The following LIG3 variants were observed in gnomAD, a reference collection of about 807,000 sequenced individuals.
LIG3 encodes the protein ligase II, DNA, ATP-dependent.
LIG3 carries 58 observed loss-of-function variants against 110.9 expected under a neutral mutation model. That is an observed-to-expected ratio of 0.52 (90% confidence interval 0.42 to 0.65). The LOEUF (loss-of-function observed/expected upper bound fraction) is 0.65, where lower values mean the gene tolerates loss of function less well. LIG3 is among the 30% of genes least tolerant of loss of function. LIG3 has a pLI of 0.00. For missense variants in LIG3, 1,094 were observed against 1,273.8 expected (o/e 0.86, Z 2.15); for synonymous variants, 422 against 472.8 (o/e 0.89, Z 1.39).
At chr17:34,982,474 G>T (rs1469542624) in intron 1 of LIG3, among the ~76,000 whole-genome samples, 1 of 151,850 alleles carries the variant, frequency 6.6e-6, no homozygotes, top group Non-Finnish European at 1.5e-5. Context: ...AAGAAACCCC[G>T]TCTCCATTAA....
At chr17:34,999,490 C>T (rs781761045) in intron 15 of LIG3, 41 bp downstream of exon 15, 24 of 1,596,420 alleles carry the variant, frequency 1.5e-5, no homozygotes, top group Admixed American at 8.5e-5. Context: ...CTGGACTGGC[C>T]GCCATCACTG....
intron 17 of LIG3, 113 bp downstream of exon 17, chr17:35,001,516 G>A: frequency 1.7e-6 from 2 of 1,160,136 alleles, no homozygotes; most frequent in South Asian, 2.9e-5. Context: ...CCATTCTCCT[G>A]AGGCAGAGCA....
rs191820830 is a variant in LIG3, at chr17:34,997,944, T to C, written c.1911+119T>C. The C allele has an allele frequency of 2.5e-3, 2,004 of 797,774 alleles. 7 individuals carry two copies. Among genetic ancestry groups the C allele is most frequent in the Non-Finnish European group, 3.5e-3 (1,649 of 470,860 alleles). 49.4% of individuals were successfully genotyped at this position (797,774 alleles called of 1,614,324 possible). A position where few individuals can be genotyped will look rare whatever the true frequency, so the allele number is the denominator to read the frequency against. The stretch of plus-strand genomic sequence containing the variant: ...AATGTCTTATGGAGCCTCCTGATAA[T>C]GTTGGCCTTTGACTATTGCATATGT... On this transcript the variant is annotated intron_variant, in intron 12 of 19. Transcript: ENST00000378526.
intron 7 of LIG3, among the ~76,000 whole-genome samples, chr17:34,992,282 G>A (rs1453950889): frequency 1.3e-5 from 2 of 152,260 alleles, no homozygotes; most frequent in Non-Finnish European, 2.9e-5. Flanking sequence ...AGTGAGTATA[G>A]TATGAGTCTC....
In LIG3 at chr17:34,999,814, C is replaced by T. The variant is rs1274942230; in HGVS notation, c.2289C>T (p.Val763=). Residue 763 remains valine, a synonymous_variant, in exon 16 of 20, where the codon GTC becomes GTT. Coordinates refer to ENST00000378526, the MANE Select transcript of LIG3 (RefSeq NM_013975.4). ...DPSKIPSWLK[V]NKIYYPDFIV... is the part of the protein sequence containing the mutation. Reference sequence around the variant, plus strand: ...GCAAAATACCCAGCTGGTTGAAGGTCAACAAGATCTACTATCCTGACTTCA... The same window carrying T: ...GCAAAATACCCAGCTGGTTGAAGGTTAACAAGATCTACTATCCTGACTTCA... 1.2e-6 allele frequency: 2 copies of T among 1,614,084 alleles called. No homozygotes were observed. The highest frequency in any genetic ancestry group is 2.2e-5 in the South Asian group (2 of 91,052).
At position 34,990,870 on chromosome 17, in the gene LIG3, T is replaced by A. The variant is rs931083118; in HGVS notation, c.890-93T>A. On this transcript the variant is annotated intron_variant, in intron 4 of 19. Transcript: ENST00000378526. ...CTTCGGCCTCCCAAAGTGCTGAGAT[T>A]ACAGGTGTGAGCCACCTTGCCCAGC... 1.8e-5 allele frequency: 23 copies of A among 1,245,754 alleles called. No homozygotes were observed. The African/African-American group carries it at 3.3e-4, about 18-fold the overall frequency. 77.2% of individuals were successfully genotyped at this position (1,245,754 alleles called of 1,614,324 possible).
At chr17:34,995,068 G>C (rs1416201136) in intron 9 of LIG3, among the ~76,000 whole-genome samples, 1 of 152,138 alleles carries the variant, frequency 6.6e-6, no homozygotes. Context: ...AAAGCAGCTG[G>C]AACATCTGGC....
intron 1 of LIG3, among the ~76,000 whole-genome samples, chr17:34,982,176 GTT>G (rs2090602883): frequency 6.6e-6 from 1 of 152,200 alleles, no homozygotes; most frequent in African/African-American, 2.4e-5. Context: ...AAGTGGCTGA[GTT>G]AGGATTTGAA....
Position 34,998,664 on chromosome 17 carries a change from G to A in LIG3, c.2050G>A (p.Gly684Arg). 6.2e-7 allele frequency: 1 copy of A among 1,614,200 alleles called. No homozygotes were observed. Among genetic ancestry groups the A allele is most frequent in the Non-Finnish European group, 8.5e-7 (1 of 1,180,020 alleles). Reference sequence around the variant, plus strand: ...AGTGAAGAAAGACTATTTGAACGAGGGGGCCATGGCCGACACAGCTGACCT... The same window carrying A: ...AGTGAAGAAAGACTATTTGAACGAGAGGGCCATGGCCGACACAGCTGACCT... ...LKVKKDYLNE[G>R]AMADTADLVV... Residue 684 changes from glycine (G) to arginine (R), a missense_variant, in exon 14 of 20, where the codon GGG becomes AGG. Physicochemically the swap from Gly to Arg is moderately radical, Grantham distance 125. Transcript: ENST00000378526.
At chr17:34,980,733 C>G (rs935360958) in intron 1 of LIG3, 111 bp downstream of exon 1, 71 of 535,952 alleles carry the variant, frequency 1.3e-4, no homozygotes, top group Non-Finnish European at 1.6e-4. Context: ...CGGCTCCTCC[C>G]CCGCCCGCCT....
rs1567688845 is a variant in LIG3 at position 34,991,691 on chromosome 17, CAG to C, written c.1065_1066del (p.Arg355SerfsTer4). 6.2e-7 allele frequency: 1 copy of C among 1,613,884 alleles called. No homozygotes were observed. On this transcript the variant is annotated frameshift_variant, in exon 6 of 20. Transcript: ENST00000378526. LOFTEE classifies it high-confidence loss of function. ...LEQGDVSETI[R>X]VFFEQSKSFP... ...GACAGGGTGACGTGTCAGAGACAATCAGAGTCTTCTTTGAGCAGAGCAAGTCT... is the reference window on the plus strand; with the variant it reads ...GACAGGGTGACGTGTCAGAGACAATCAGTCTTCTTTGAGCAGAGCAAGTCT...
chr17:35,002,195 G>T, intron 18 of LIG3, 91 bp downstream of exon 18: 2 of 1,088,730 alleles, frequency 1.8e-6, no homozygotes, highest in Non-Finnish European at 2.6e-6. Context: ...TTCCAGCCCT[G>T]AGATCTCATG....
At position 34,986,012 on chromosome 17, in the gene LIG3, C is replaced by T. The variant is rs1477348801; in HGVS notation, c.572C>T (p.Thr191Ile). 1.2e-6 allele frequency: 2 copies of T among 1,613,880 alleles called. No individual in the cohort carries two copies. The highest frequency in any genetic ancestry group is 2.2e-5 in the East Asian group (1 of 44,886). The stretch of plus-strand genomic sequence containing the variant: ...GATCTGTCTTCTAAGGCAGCAGGTA[C>T]ACCAAAGAAGAAAGCTGTTGTCCAG... ...IADLSSKAAGTPKKKAVVQAK... is the reference protein window; with the variant it reads ...IADLSSKAAGIPKKKAVVQAK... Residue 191 changes from threonine (T) to isoleucine (I), a missense_variant, in exon 3 of 20, where the codon ACA becomes ATA. Physicochemically the swap from Thr to Ile is moderately conservative, Grantham distance 89 (BLOSUM62 -1). Coordinates refer to ENST00000378526, the MANE Select transcript of LIG3 (RefSeq NM_013975.4).
intron 19 of LIG3, chr17:35,003,230 T>TC (rs1318969932): frequency 7.3e-7 from 1 of 1,373,468 alleles, no homozygotes; most frequent in Non-Finnish European, 9.7e-7. Context: ...TTGGTGACTC[T>TC]CCTCCCACCT....
intron 14 of LIG3, 196 bp downstream of exon 14, chr17:34,998,923 G>GTACC: frequency 1.7e-6 from 1 of 598,388 alleles, no homozygotes; most frequent in Non-Finnish European, 2.8e-6. Flanking sequence ...TCAGAATAGA[G>GTACC]TACCCTATGC....
chr17:34,998,464 TC>T (rs1369967779), intron 13 of LIG3, 139 bp from the exon 14 acceptor site: 8 of 1,165,040 alleles, frequency 6.9e-6, no homozygotes, highest in African/African-American at 1.5e-5. Context: ...TTTGTGTGTC[TC>T]CTATAGTGCC....
intron 11 of LIG3, 193 bp from the exon 12 acceptor site, chr17:34,997,545 C>T: frequency 1.8e-6 from 1 of 567,550 alleles, no homozygotes; most frequent in East Asian, 2.9e-5. Flanking sequence ...TGCCACAGCT[C>T]ACAATTTTCC....
chr17:34,992,166 C>G, intron 7 of LIG3, 131 bp downstream of exon 7: 1 of 788,478 alleles, frequency 1.3e-6, no homozygotes, highest in Non-Finnish European at 2.1e-6. Flanking sequence ...CTGTGAGACC[C>G]TGATCTGTCA....
chr17:35,005,569 T>G lies in LIG3; in HGVS notation c.*1063T>G, dbSNP rs769568374. The G allele has an allele frequency of 1.7e-6, 1 of 579,490 alleles. No homozygotes were observed. The highest frequency in any genetic ancestry group is 2.9e-4 in the Middle Eastern group (1 of 3,440). 35.9% of individuals were successfully genotyped at this position (579,490 alleles called of 1,614,324 possible). ...GGAAGGATTTGCATCCAGCTTCCTG[T>G]TTACAATGGGAGGTTTAGGTTTCAT... On this transcript the variant is annotated 3_prime_UTR_variant, in exon 20 of 20. Transcript: ENST00000378526.
Sources: allele counts gnomAD v4.1 joint callset (sites outside exome capture counted in the v4.1 genomes callset), GRCh38; gene constraint gnomAD v4.1.1; transcripts MANE v1.5; gene names NCBI Gene and HGNC (gene_info 2026-07-23, HGNC 2026-07-21).